Variants in UQCC1 observed in about 807,000 individuals in gnomAD.
UQCC1 encodes bFGF-repressed Zic-binding protein.
Under a neutral mutation model 48.0 loss-of-function variants are expected in UQCC1, and 38 were observed. That is an observed-to-expected ratio of 0.79 (90% CI 0.61 to 1.04). The LOEUF (loss-of-function observed/expected upper bound fraction) is 1.04, where lower values mean the gene tolerates loss of function less well. UQCC1 is among the 50% of genes least tolerant of loss of function. UQCC1 has a pLI of 0.00. For synonymous variants in UQCC1, 111 were observed against 129.2 expected, an observed-to-expected ratio of 0.86 and a Z score of 0.95; for missense variants, 368 against 381.8, an observed-to-expected ratio of 0.96 and a Z score of 0.30.
intron 6 of UQCC1, among the ~76,000 whole-genome samples, chr20:35,356,641 C>T (rs1385838255): frequency 1.3e-5 from 2 of 152,306 alleles, no homozygotes; most frequent in East Asian, 3.9e-4. Flanking sequence ...AGAGAAGTAA[C>T]TTGCCCAATG....
At chr20:35,390,043 T>C (rs1601004554) in intron 2 of UQCC1, among the ~76,000 whole-genome samples, 1 of 152,282 alleles carries the variant, frequency 6.6e-6, no homozygotes, top group South Asian at 2.1e-4. Context: ...CTTGAGGACA[T>C]TATGCTAAGT....
intron 7 of UQCC1, among the ~76,000 whole-genome samples, chr20:35,323,462 G>A (rs1443886228): frequency 6.6e-6 from 1 of 152,036 alleles, no homozygotes; most frequent in Non-Finnish European, 1.5e-5. Flanking sequence ...AATATGAAAA[G>A]GTAATTATTA....
chr20:35,359,796 T>C (rs1405965049), intron 6 of UQCC1, among the ~76,000 whole-genome samples: 1 of 152,168 alleles, frequency 6.6e-6, no homozygotes, highest in Non-Finnish European at 1.5e-5. Context: ...ATGGCTACAC[T>C]CAAGCCCCAG....
chr20:35,375,776 C>T (rs977680984), intron 4 of UQCC1, among the ~76,000 whole-genome samples: 1 of 151,484 alleles, frequency 6.6e-6, no homozygotes, highest in Non-Finnish European at 1.5e-5. Flanking sequence ...CATGGCAAAA[C>T]GTTTCCATCT....
chr20:35,314,653 C>A, intron 8 of UQCC1, 35 bp downstream of exon 8: 1 of 1,564,754 alleles, frequency 6.4e-7, no homozygotes, highest in South Asian at 1.2e-5. Flanking sequence ...TGGGGGAGGC[C>A]ACCGTCCTGC....
At chr20:35,410,770 A>C (rs1401067344) in intron 1 of UQCC1, among the ~76,000 whole-genome samples, 2 of 144,750 alleles carry the variant, frequency 1.4e-5, no homozygotes, top group Non-Finnish European at 3.0e-5. Flanking sequence ...AAAAAAAAAA[A>C]AAAAAAACCA....
intron 1 of UQCC1, among the ~76,000 whole-genome samples, chr20:35,401,818 C>T (rs1262501747): frequency 1.3e-5 from 2 of 151,810 alleles, no homozygotes; most frequent in Non-Finnish European, 2.9e-5. Context: ...TGCGCCACCA[C>T]GCCCAGCTAA....
chr20:35,333,223 A>C (rs2061277141), intron 7 of UQCC1, among the ~76,000 whole-genome samples: 1 of 152,072 alleles, frequency 6.6e-6, no homozygotes, highest in African/African-American at 2.4e-5. Flanking sequence ...GGTTCTCCTC[A>C]GTTGTAATAT....
intron 7 of UQCC1, among the ~76,000 whole-genome samples, chr20:35,315,638 C>T (rs2061049060): frequency 6.6e-6 from 1 of 152,184 alleles, no homozygotes; most frequent in Non-Finnish European, 1.5e-5. Context: ...CCTGTAATCC[C>T]AGCACTTTGG....
chr20:35,321,283 T>TGTGTGTGTGTGTGTGCGC lies in UQCC1; in HGVS notation c.574-6519_574-6518insGCGCACACACACACACAC, dbSNP rs1389196330. Among the ~76,000 whole-genome samples, 415 of 141,550 alleles carry TGTGTGTGTGTGTGTGCGC rather than the reference T, an allele frequency of 2.9e-3. 1 individual carries two copies. Among genetic ancestry groups the TGTGTGTGTGTGTGTGCGC allele is most frequent in the African/African-American group, 0.01 (357 of 34,548 alleles). The allele number at this position is 141,550 out of a possible 152,430, so 92.9% of individuals were successfully genotyped here. A position where few individuals can be genotyped will look rare whatever the true frequency, so the allele number is the denominator to read the frequency against. On this transcript the variant is annotated intron_variant, in intron 7 of 9. Transcript: ENST00000374385. ...GTGTGTGTGTGTGTGTGTGTGTGTG[T>TGTGTGTGTGTGTGTGCGC]GCGCGCGCGCGCGCGCACGCTCAGG...
chr20:35,319,880 T>C (rs538188961), intron 7 of UQCC1, among the ~76,000 whole-genome samples: 1 of 152,312 alleles, frequency 6.6e-6, no homozygotes, highest in South Asian at 2.1e-4. Context: ...GATATTTATG[T>C]GACTGCTTAA....
chr20:35,382,388 G>T (rs1453524276), intron 3 of UQCC1, among the ~76,000 whole-genome samples: 1 of 151,948 alleles, frequency 6.6e-6, no homozygotes, highest in East Asian at 1.9e-4. Context: ...CAATCTTCCT[G>T]CTTCAGCCTC....
intron 6 of UQCC1, among the ~76,000 whole-genome samples, chr20:35,360,105 C>T (rs750164131): frequency 2.6e-5 from 4 of 152,234 alleles, no homozygotes; most frequent in Non-Finnish European, 5.9e-5. Flanking sequence ...TATCAGCGCA[C>T]TTAGGGTATG....
At chr20:35,411,421 A>G (rs765986416) in intron 1 of UQCC1, among the ~76,000 whole-genome samples, 3 of 152,202 alleles carry the variant, frequency 2.0e-5, no homozygotes, top group Non-Finnish European at 4.4e-5. Context: ...GCAGCTTTCA[A>G]TCTAATAATC....
intron 7 of UQCC1, among the ~76,000 whole-genome samples, chr20:35,321,473 T>C (rs1420057980): frequency 2.0e-5 from 3 of 152,204 alleles, no homozygotes; most frequent in Non-Finnish European, 4.4e-5. Flanking sequence ...AAACCCAGCA[T>C]GAGGAGGTCC....
intron 7 of UQCC1, among the ~76,000 whole-genome samples, chr20:35,339,828 C>T (rs1209725547): frequency 6.6e-6 from 1 of 152,008 alleles, no homozygotes; most frequent in South Asian, 2.1e-4. Context: ...GCAAAAGATT[C>T]AGCATTTTGC....
At position 35,400,738 on chromosome 20, in the gene UQCC1, G is replaced by A. The variant is rs921312112; in HGVS notation, c.25-6542C>T. 3.3e-5 allele frequency among the ~76,000 whole-genome samples: 5 copies of A among 151,630 alleles called. No homozygotes were observed. The East Asian group carries it at 5.8e-4, about 18-fold the overall frequency. On this transcript the variant is annotated intron_variant, in intron 1 of 9. Coordinates refer to ENST00000374385, the MANE Select transcript of UQCC1 (RefSeq NM_018244.5). ...TCTTGATCTCCTGACCTTGTGATCC[G>A]CCCGCCTCGGCCTCCCAAAGTGCTG... is the stretch of plus-strand genomic sequence containing the variant.
chr20:35,377,978 C>A lies in UQCC1; in HGVS notation c.334-3722G>T, dbSNP rs137924772. On this transcript the variant is annotated intron_variant, in intron 4 of 9. Transcript: ENST00000374385. ...TACTTGGGTGAGCCATTTTCCTGGA[C>A]AAATCTCTAAAACAAGTCTCTAAAG... Among the ~76,000 whole-genome samples, 1,014 of 152,254 alleles carry A rather than the reference C, an allele frequency of 6.7e-3. 15 individuals are homozygous for A. Among genetic ancestry groups the A allele is most frequent in the African/African-American group, 0.023 (969 of 41,562 alleles).
chr20:35,371,112 T>C (rs1011348587), intron 5 of UQCC1, among the ~76,000 whole-genome samples: 1 of 152,220 alleles, frequency 6.6e-6, no homozygotes. Context: ...TTAAGTTTTA[T>C]AAGTAGTTTA....
Sources: gnomAD v4.1 joint callset for allele counts (sites outside exome capture counted in the v4.1 genomes callset) on GRCh38, gnomAD v4.1.1 for gene constraint, MANE v1.5 for transcripts, NCBI Gene and HGNC (gene_info 2026-07-23, HGNC 2026-07-21) for gene names.